Variants in TBX15 observed in about 807,000 individuals in gnomAD.
The protein encoded by TBX15 is T-box transcription factor 15, also known as T-box transcription factor TBX15.
TBX15 carries 18 observed loss-of-function variants against 53.9 expected under a neutral mutation model. The observed-to-expected ratio is 0.33, with a 90% confidence interval of 0.23 to 0.49. TBX15 has a LOEUF of 0.49. Ranked by LOEUF, TBX15 falls within the 20% of genes least tolerant of loss-of-function variation. The pLI, the probability that TBX15 is intolerant of heterozygous loss-of-function variation, is 0.98. For missense variants in TBX15, 692 were observed against 749.5 expected, an observed-to-expected ratio of 0.92 and a Z score of 0.90; for synonymous variants, 295 against 278.0, an observed-to-expected ratio of 1.06 and a Z score of -0.61.
chr1:118,905,383 G>A (rs1654780582), intron 6 of TBX15, among the ~76,000 whole-genome samples: 1 of 152,206 alleles, frequency 6.6e-6, no homozygotes, highest in African/African-American at 2.4e-5. Flanking sequence ...AATTTTCTCT[G>A]GCAAGGCCAC....
chr1:118,950,439 C>G, intron 1 of TBX15, among the ~76,000 whole-genome samples: 1 of 152,224 alleles, frequency 6.6e-6, no homozygotes, highest in Middle Eastern at 3.2e-3. Flanking sequence ...GGGCAGAGGC[C>G]ACTTGATGTG....
intron 5 of TBX15, among the ~76,000 whole-genome samples, chr1:118,916,488 TCAA>T (rs934176568): frequency 5.3e-5 from 8 of 151,958 alleles, no homozygotes; most frequent in African/African-American, 1.9e-4. Context: ...GAAAAAAAGC[TCAA>T]CATCACTGAT....
chr1:118,934,777 A>G (rs1182741301), intron 1 of TBX15, among the ~76,000 whole-genome samples: 1 of 152,210 alleles, frequency 6.6e-6, no homozygotes, highest in Non-Finnish European at 1.5e-5. Flanking sequence ...TGGGGAACCC[A>G]TTGTTACTAG....
chr1:118,919,759 T>G (rs1332276823), intron 5 of TBX15, among the ~76,000 whole-genome samples: 1 of 152,212 alleles, frequency 6.6e-6, no homozygotes, highest in Non-Finnish European at 1.5e-5. Flanking sequence ...TTTAGGTCAA[T>G]TCTAATCCCC....
chr1:118,976,457 C>G (rs563108081), intron 1 of TBX15, among the ~76,000 whole-genome samples: 1 of 152,122 alleles, frequency 6.6e-6, no homozygotes, highest in East Asian at 1.9e-4. Flanking sequence ...ATTTCCTATC[C>G]GGTAAAGTCT....
chr1:118,956,712 G>A (rs1656700485), intron 1 of TBX15, among the ~76,000 whole-genome samples: 1 of 152,090 alleles, frequency 6.6e-6, no homozygotes, highest in Non-Finnish European at 1.5e-5. Context: ...CAGCACTTTG[G>A]GAGGCCGAAG....
chr1:118,928,914 C>T lies in TBX15; in HGVS notation c.420-2303G>A, dbSNP rs142929529. On this transcript the variant is annotated intron_variant, in intron 2 of 7. Transcript: ENST00000369429. Reference sequence around the variant, plus strand: ...AATCGACTAGATAATCTCTACAGTGCCCCCTTGCTTTAAAATTCTGTGACT... The same window carrying T: ...AATCGACTAGATAATCTCTACAGTGTCCCCTTGCTTTAAAATTCTGTGACT... Among the ~76,000 whole-genome samples, 34 of 152,308 alleles carry T rather than the reference C, an allele frequency of 2.2e-4. No homozygotes were observed. The East Asian group carries it at 5.4e-3, about 24-fold the overall frequency.
chr1:118,886,860 CA>C (rs1039091592), intron 7 of TBX15, among the ~76,000 whole-genome samples: 1 of 152,150 alleles, frequency 6.6e-6, no homozygotes, highest in Non-Finnish European at 1.5e-5. Flanking sequence ...CTTTCATTTC[CA>C]AAAGTCCCTA....
chr1:118,957,644 G>A (rs186394248), intron 1 of TBX15, among the ~76,000 whole-genome samples: 491 of 152,160 alleles, frequency 3.2e-3, no homozygotes, highest in Non-Finnish European at 5.6e-3. Flanking sequence ...ACAACAGGCC[G>A]CGGTGTGTGA....
chr1:118,911,864 T>C (rs1655038387), intron 6 of TBX15, among the ~76,000 whole-genome samples: 1 of 152,214 alleles, frequency 6.6e-6, no homozygotes, highest in Non-Finnish European at 1.5e-5. Context: ...ATTCATGGCA[T>C]CTTATCAGGA....
At chr1:118,924,597 C>A (rs757712578) in intron 4 of TBX15, 49 bp downstream of exon 4, 1 of 1,611,544 alleles carries the variant, frequency 6.2e-7, no homozygotes, top group Admixed American at 1.7e-5. Context: ...AGCTCTAAAG[C>A]AAACAGAGGA....
In TBX15 at chr1:118,988,270, T is replaced by C. The variant is rs2101065663; in HGVS notation, c.-475A>G. ...ACTTCTGGGAAACTTTTTTTTCCGC[T>C]AAATTCCTCCCTTCCCGAGGAACAG... On this transcript the variant is annotated 5_prime_UTR_variant, in exon 1 of 8. Coordinates refer to ENST00000369429, the MANE Select transcript of TBX15 (RefSeq NM_001330677.2). 1 of 156,642 alleles carries C rather than the reference T, an allele frequency of 6.4e-6. No individual in the cohort carries two copies. The highest frequency in any genetic ancestry group is 1.4e-5 in the Non-Finnish European group (1 of 71,360). 9.7% of individuals were successfully genotyped at this position (156,642 alleles called of 1,614,324 possible).
At chr1:118,932,014 T>C (rs946805756) in intron 1 of TBX15, among the ~76,000 whole-genome samples, 182 bp from the exon 2 acceptor site, 3 of 152,156 alleles carry the variant, frequency 2.0e-5, no homozygotes, top group Non-Finnish European at 4.4e-5. Flanking sequence ...TGGTTTGTTT[T>C]TGTGATTTAT....
Position 118,884,780 on chromosome 1 carries a change from A to T in TBX15, c.1761T>A (p.Tyr587Ter). 1 of 1,614,068 alleles carries T rather than the reference A, an allele frequency of 6.2e-7. No individual in the cohort carries two copies. Among genetic ancestry groups the T allele is most frequent in the Non-Finnish European group, 8.5e-7 (1 of 1,180,004 alleles). The change falls in exon 8 of 8, where the codon TAT becomes TAA. Residue 587 changes from tyrosine (Y) to a stop codon, truncating the protein, a stop_gained. Transcript: ENST00000369429. LOFTEE classifies it high-confidence loss of function. Reference protein sequence around the residue: ...QATNTCDGRQYGAVPGSSSQM... With the variant: ...QATNTCDGRQ ...GGGAGGAGGAGCCTGGAACTGCCCC[A>T]TACTGCCGGCCATCACAAGTGTTGG...
intron 4 of TBX15, among the ~76,000 whole-genome samples, chr1:118,924,442 G>A (rs367625608): frequency 5.3e-5 from 8 of 152,284 alleles, no homozygotes; most frequent in African/African-American, 1.9e-4. Context: ...ACAACTTGAT[G>A]TATAACAGAT....
At chr1:118,970,442 T>C (rs1657197143) in intron 1 of TBX15, among the ~76,000 whole-genome samples, 1 of 152,116 alleles carries the variant, frequency 6.6e-6, no homozygotes, top group African/African-American at 2.4e-5. Flanking sequence ...AACCAATGGA[T>C]TGTTAACAAG....
chr1:118,885,648 T>C, intron 7 of TBX15, 132 bp from the exon 8 acceptor site: 1 of 1,123,324 alleles, frequency 8.9e-7, no homozygotes, highest in Non-Finnish European at 1.3e-6. Flanking sequence ...CCATTTTTCC[T>C]CTTAACTCAG....
At chr1:118,948,901 T>C (rs1656426346) in intron 1 of TBX15, among the ~76,000 whole-genome samples, 1 of 152,204 alleles carries the variant, frequency 6.6e-6, no homozygotes, top group Non-Finnish European at 1.5e-5. Flanking sequence ...AAACGCAACA[T>C]GTTTCTTATC....
rs187632619 is a variant in TBX15 at position 118,903,567 on chromosome 1, C to A, written c.927-4442G>T. 7.9e-5 allele frequency among the ~76,000 whole-genome samples: 12 copies of A among 152,054 alleles called. No individual in the cohort carries two copies. The East Asian group carries it at 1.9e-3, about 25-fold the overall frequency. Reference sequence around the variant, plus strand: ...TCTGACTTCCTTAATTTTTACTCTTCCCCATACTATTTGCTGGTGACACTG... The same window carrying A: ...TCTGACTTCCTTAATTTTTACTCTTACCCATACTATTTGCTGGTGACACTG... On this transcript the variant is annotated intron_variant, in intron 6 of 7. Transcript: ENST00000369429.
Sources: gnomAD v4.1 joint callset for allele counts (sites outside exome capture counted in the v4.1 genomes callset) on GRCh38, gnomAD v4.1.1 for gene constraint, MANE v1.5 for transcripts, NCBI Gene and HGNC (gene_info 2026-07-23, HGNC 2026-07-21) for gene names.